Variants in CUL5 observed in about 807,000 individuals in gnomAD.
The protein encoded by CUL5 is cullin-5.
In CUL5, 26 loss-of-function variants were observed where a neutral mutation model predicts 108.8. The observed-to-expected ratio is 0.24, with a 90% CI of 0.18 to 0.33. CUL5 has a LOEUF of 0.33. CUL5 is among the 10% of genes least tolerant of loss of function. The pLI is 1.00. For synonymous variants in CUL5, 334 were observed against 298.0 expected (o/e 1.12, Z -1.25); for missense variants, 524 against 909.2 (o/e 0.58, Z 5.45).
Position 108,054,723 on chromosome 11 carries a change from A to T in CUL5, c.630A>T (p.Thr210=). Reference sequence around the variant, plus strand: ...TTGAGAAGGCATACTTGGATTCAACAGAGAGATTTTATAGAACACAAGCAC... The same window carrying T: ...TTGAGAAGGCATACTTGGATTCAACTGAGAGATTTTATAGAACACAAGCAC... The part of the protein sequence containing the change: ...DNFEKAYLDS[T]ERFYRTQAPS... The change falls in exon 6 of 19, where the codon ACA becomes ACT. Residue 210 remains threonine, a synonymous_variant. Coordinates refer to ENST00000393094, the MANE Select transcript of CUL5 (RefSeq NM_003478.6). The T allele has an allele frequency of 6.2e-7, 1 of 1,611,066 alleles. No individual in the cohort carries two copies. The highest frequency in any genetic ancestry group is 8.5e-7 in the Non-Finnish European group (1 of 1,177,658).
At chr11:108,074,254 G>T (rs1863894283) in intron 10 of CUL5, among the ~76,000 whole-genome samples, 1 of 147,208 alleles carries the variant, frequency 6.8e-6, no homozygotes, top group East Asian at 2.0e-4. Context: ...GAGTGCAATG[G>T]CATGATCTTG....
At chr11:108,055,652 A>G (rs1863357396) in intron 7 of CUL5, among the ~76,000 whole-genome samples, 1 of 150,620 alleles carries the variant, frequency 6.6e-6, no homozygotes, top group Non-Finnish European at 1.5e-5. Flanking sequence ...TTTTTTTGAG[A>G]CAAGGGCTCT....
At chr11:108,023,006 T>C (rs1461049819) in intron 1 of CUL5, among the ~76,000 whole-genome samples, 1 of 152,218 alleles carries the variant, frequency 6.6e-6, no homozygotes, top group Non-Finnish European at 1.5e-5. Flanking sequence ...CCTAGCACTT[T>C]GGGAGGCCAA....
chr11:108,013,390 A>C (rs1262385764), intron 1 of CUL5, among the ~76,000 whole-genome samples: 1 of 152,116 alleles, frequency 6.6e-6, no homozygotes, highest in Non-Finnish European at 1.5e-5. Context: ...TCACCATATC[A>C]CTTTCCTGTT....
chr11:108,012,786 G>C (rs764918606), intron 1 of CUL5, among the ~76,000 whole-genome samples: 1 of 151,830 alleles, frequency 6.6e-6, no homozygotes, highest in Non-Finnish European at 1.5e-5. Context: ...TAGTAGAGAC[G>C]GGATTTTACC....
At chr11:108,017,252 T>G (rs1862218670) in intron 1 of CUL5, among the ~76,000 whole-genome samples, 1 of 150,578 alleles carries the variant, frequency 6.6e-6, no homozygotes, top group South Asian at 2.1e-4. Flanking sequence ...TACCTGGGGG[T>G]GGTGGTGTAC....
intron 7 of CUL5, among the ~76,000 whole-genome samples, chr11:108,058,921 G>A (rs1437605792): frequency 3.3e-5 from 5 of 152,238 alleles, no homozygotes; most frequent in South Asian, 2.1e-4. Flanking sequence ...AGAGGCTTCC[G>A]AGCTGTGCTG....
Position 108,107,262 on chromosome 11 carries a change from A to G in CUL5, c.*2878A>G, listed in dbSNP as rs1864825842. 2 of 152,500 alleles carry G rather than the reference A, an allele frequency of 1.3e-5. No homozygotes were observed. Among genetic ancestry groups the G allele is most frequent in the African/African-American group, 4.8e-5 (2 of 41,420 alleles). 9.4% of individuals were successfully genotyped at this position (152,500 alleles called of 1,614,324 possible). A position where few individuals can be genotyped will look rare whatever the true frequency, so the allele number is the denominator to read the frequency against. On this transcript the variant is annotated 3_prime_UTR_variant, in exon 19 of 19. Coordinates refer to ENST00000393094, the MANE Select transcript of CUL5 (RefSeq NM_003478.6). ...TTTCTTTTACTTTTTATTAAATTTA[A>G]TAGAAAATATGACCTGAGTAGTTAA...
intron 7 of CUL5, among the ~76,000 whole-genome samples, chr11:108,068,163 C>A (rs1445112892): frequency 2.6e-5 from 4 of 152,266 alleles, no homozygotes; most frequent in East Asian, 1.9e-4. Context: ...GGTGATCCGC[C>A]CGCCTTAGCC....
At chr11:108,087,437 T>G (rs1417475094) in intron 11 of CUL5, among the ~76,000 whole-genome samples, 1 of 152,222 alleles carries the variant, frequency 6.6e-6, no homozygotes, top group Non-Finnish European at 1.5e-5. Context: ...TTTAAATTTA[T>G]TTACATATAT....
intron 7 of CUL5, among the ~76,000 whole-genome samples, chr11:108,066,249 G>A (rs12286461): frequency 0.016 from 2,416 of 152,052 alleles, 72 homozygotes; most frequent in African/African-American, 0.054. Flanking sequence ...AGGCTGAGGC[G>A]GGAGAAATGG....
At chr11:108,042,960 G>A (rs1253069706) in intron 2 of CUL5, among the ~76,000 whole-genome samples, 3 of 152,004 alleles carry the variant, frequency 2.0e-5, no homozygotes, top group African/African-American at 7.2e-5. Context: ...ATGGAGTTTC[G>A]CTATGTTGGC....
intron 10 of CUL5, among the ~76,000 whole-genome samples, chr11:108,075,367 G>A (rs868854739): frequency 5.9e-5 from 9 of 152,140 alleles, no homozygotes; most frequent in African/African-American, 2.2e-4. Context: ...GAAGTTTCCT[G>A]CCTGCCACTT....
At chr11:108,089,467 G>A in intron 12 of CUL5, 25 bp from the exon 13 acceptor site, 1 of 1,512,336 alleles carries the variant, frequency 6.6e-7, no homozygotes, top group Admixed American at 2.4e-5. Flanking sequence ...TATAAGAACT[G>A]AAAGTAACTT....
Position 108,009,136 on chromosome 11 carries a change from G to T in CUL5, c.-213G>T. 1 of 596,052 alleles carries T rather than the reference G, an allele frequency of 1.7e-6. No homozygotes were observed. Among genetic ancestry groups the T allele is most frequent in the South Asian group, 2.1e-5 (1 of 47,948 alleles). 36.9% of individuals were successfully genotyped at this position (596,052 alleles called of 1,614,324 possible). On this transcript the variant is annotated 5_prime_UTR_variant, in exon 1 of 19. Coordinates refer to ENST00000393094, the MANE Select transcript of CUL5 (RefSeq NM_003478.6). ...GCGTGCATGAGGTCTTTCGCGTGGG[G>T]AAGCTCCGGTGACCATGTAGGGGAG... is the stretch of plus-strand genomic sequence containing the variant.
intron 1 of CUL5, among the ~76,000 whole-genome samples, chr11:108,022,941 T>C (rs1862361897): frequency 6.6e-6 from 1 of 152,230 alleles, no homozygotes; most frequent in South Asian, 2.1e-4. Context: ...CTTTCTTGGA[T>C]ATACATATTA....
intron 1 of CUL5, among the ~76,000 whole-genome samples, chr11:108,010,010 A>G (rs1862024136): frequency 1.3e-5 from 2 of 152,220 alleles, no homozygotes; most frequent in South Asian, 4.1e-4. Flanking sequence ...AAGCGATACC[A>G]TCGTTTTAGG....
chr11:108,058,403 C>T (rs1485773299), intron 7 of CUL5, among the ~76,000 whole-genome samples: 1 of 151,160 alleles, frequency 6.6e-6, no homozygotes, highest in African/African-American at 2.4e-5. Flanking sequence ...TGCCCACCAC[C>T]ACACCCGGCT....
At chr11:108,038,752 G>A (rs1862812004) in intron 2 of CUL5, among the ~76,000 whole-genome samples, 2 of 151,686 alleles carry the variant, frequency 1.3e-5, no homozygotes, top group South Asian at 4.2e-4. Context: ...TTTAGGTAAA[G>A]GGATTTCTGA....
Sources: gnomAD v4.1 joint callset for allele counts (sites outside exome capture counted in the v4.1 genomes callset) on GRCh38, gnomAD v4.1.1 for gene constraint, MANE v1.5 for transcripts, NCBI Gene and HGNC (gene_info 2026-07-23, HGNC 2026-07-21) for gene names.